The following SMCHD1 variants were observed in gnomAD, a reference collection of about 807,000 sequenced individuals.
SMCHD1 encodes the protein structural maintenance of chromosomes flexible hinge domain containing 1.
In SMCHD1, 78 loss-of-function variants were observed where a neutral mutation model predicts 254.7. That is an observed-to-expected ratio of 0.31 (90% CI 0.26 to 0.37). The LOEUF (loss-of-function observed/expected upper bound fraction) is 0.37. Ranked by LOEUF, SMCHD1 falls within the 10% of genes least tolerant of loss-of-function variation. SMCHD1 has a pLI of 1.00. For synonymous variants in SMCHD1, 766 were observed against 794.9 expected (o/e 0.96, Z 0.61); for missense variants, 1,840 against 2,408.1 (o/e 0.76, Z 4.94).
chr18:2,770,127 A>G lies in SMCHD1; in HGVS notation c.4966+19A>G, dbSNP rs778801964. The G allele has an allele frequency of 2.6e-5, 41 of 1,594,290 alleles. No homozygotes were observed. Among genetic ancestry groups the G allele is most frequent in the Non-Finnish European group, 3.5e-5 (41 of 1,175,142 alleles). On this transcript the variant is annotated intron_variant, in intron 39 of 47. Transcript: ENST00000320876. ...ATGAAATGTAAGTCATTTTGTATTCAAGACAAAAATTATGCTTTGGGGAAT... is the reference window on the plus strand; with the variant it reads ...ATGAAATGTAAGTCATTTTGTATTCGAGACAAAAATTATGCTTTGGGGAAT...
rs57748558 is a variant in SMCHD1, at chr18:2,702,946, G to A, written c.1648-746G>A. Among the ~76,000 whole-genome samples, 1,334 of 152,260 alleles carry A rather than the reference G, an allele frequency of 8.8e-3. 21 individuals carry two copies. Among genetic ancestry groups the A allele is most frequent in the African/African-American group, 0.03 (1,264 of 41,556 alleles). On this transcript the variant is annotated intron_variant, in intron 12 of 47. Coordinates refer to ENST00000320876, the MANE Select transcript of SMCHD1 (RefSeq NM_015295.3). ...TACCTCCTCATTGCCCTAGAGGCAGGCATCAAACAAGTGTATAGCACCTTA... is the reference window on the plus strand; with the variant it reads ...TACCTCCTCATTGCCCTAGAGGCAGACATCAAACAAGTGTATAGCACCTTA...
chr18:2,785,233 A>T (rs955703755), intron 45 of SMCHD1, among the ~76,000 whole-genome samples: 1 of 152,186 alleles, frequency 6.6e-6, no homozygotes, highest in Non-Finnish European at 1.5e-5. Flanking sequence ...ATTTGCTCTT[A>T]ATTTATATAA....
rs372815104 is a variant in SMCHD1 at position 2,724,952 on chromosome 18, G to A, written c.2657G>A (p.Arg886Gln). The part of the protein sequence containing the change: ...EITKGPNCVI[R>Q]GVTAKGPVNS... ...ACCAAAGGACCAAATTGTGTAATTC[G>A]AGGTGTTACAGCCAAGGGCCCTGTA... The change falls in exon 21 of 48, where the codon CGA becomes CAA. Residue 886 changes from arginine (R) to glutamine (Q), a missense_variant. By Grantham distance (43) the Arg-to-Gln change is conservative. Transcript: ENST00000320876. 4.6e-5 allele frequency: 74 copies of A among 1,593,518 alleles called. 1 individual carries two copies. The Admixed American group carries it at 5.8e-4, about 13-fold the overall frequency.
In SMCHD1 at chr18:2,718,332, G is replaced by A; in HGVS notation, c.2356G>A (p.Gly786Arg). ...TTATCCAGAAAATATTCAGAAGTTG[G>A]GGAATTATACCTTGAAATTACAAGT... ...FKKMENIQKL[G>R]NYTLKLQVVL... is the part of the protein sequence containing the mutation. The change falls in exon 19 of 48, where the codon GGG (glycine) becomes AGG (arginine). Residue 786 changes from glycine (G) to arginine (R), a missense_variant. Coordinates refer to ENST00000320876, the MANE Select transcript of SMCHD1 (RefSeq NM_015295.3). The surrounding 1 kb of genome is among the most constrained non-coding windows in gnomAD (Gnocchi z 4.6). 2 of 1,610,682 alleles carry A rather than the reference G, an allele frequency of 1.2e-6. No individual in the cohort carries two copies. Among genetic ancestry groups the A allele is most frequent in the Non-Finnish European group, 1.7e-6 (2 of 1,177,792 alleles).
In SMCHD1 at chr18:2,709,831, T is replaced by C. The variant is rs75176879; in HGVS notation, c.2260+1911T>C. ...TATCAGATAAATGATTTACAGATAT[T>C]TTCTTCCACTCTGTGGGTTGCTTTT... On this transcript the variant is annotated intron_variant, in intron 17 of 47. Coordinates refer to ENST00000320876, the MANE Select transcript of SMCHD1 (RefSeq NM_015295.3). 4.8e-3 allele frequency among the ~76,000 whole-genome samples: 730 copies of C among 152,316 alleles called. 7 individuals are homozygous for C. The highest frequency in any genetic ancestry group is 0.016 in the African/African-American group (670 of 41,568).
At chr18:2,772,398 A>G in intron 41 of SMCHD1, 26 bp downstream of exon 41, 2 of 1,512,856 alleles carry the variant, frequency 1.3e-6, no homozygotes, top group Non-Finnish European at 1.8e-6. Context: ...GCCTTTTGAA[A>G]GGCAGTACAT....
chr18:2,772,187 A>G, intron 40 of SMCHD1, 63 bp from the exon 41 acceptor site: 1 of 1,359,958 alleles, frequency 7.4e-7, no homozygotes, highest in Non-Finnish European at 9.5e-7. Flanking sequence ...CTCCACTGTC[A>G]TTATGGGCTG....
At chr18:2,755,830 G>A (rs2075668483) in intron 34 of SMCHD1, among the ~76,000 whole-genome samples, 1 of 152,102 alleles carries the variant, frequency 6.6e-6, no homozygotes, top group South Asian at 2.1e-4. Context: ...GCCTCCCAAA[G>A]TGCTGGGATT....
intron 3 of SMCHD1, among the ~76,000 whole-genome samples, chr18:2,667,534 C>CT (rs1459810279): frequency 1.3e-5 from 2 of 152,180 alleles, no homozygotes; most frequent in Non-Finnish European, 2.9e-5. Flanking sequence ...TGAATCCTCT[C>CT]TTTCAGGACT....
At chr18:2,660,729 C>T (rs923364034) in intron 1 of SMCHD1, among the ~76,000 whole-genome samples, 9 of 152,022 alleles carry the variant, frequency 5.9e-5, no homozygotes, top group South Asian at 2.1e-4. Context: ...CTACCCACCT[C>T]GGCCTCCAAA....
At position 2,673,288 on chromosome 18, in the gene SMCHD1, T is replaced by C. The variant is rs1017630458; in HGVS notation, c.432T>C (p.Ala144=). 10 of 1,595,500 alleles carry C rather than the reference T, an allele frequency of 6.3e-6. No individual in the cohort carries two copies. Among genetic ancestry groups the C allele is most frequent in the South Asian group, 3.4e-5 (3 of 89,002 alleles). ...ASEGQNPLPF[A]LAELIDNSLS... is the part of the protein sequence containing the mutation. ...TTTCTTGATCTCTTGCAGCATTTGC[T>C]CTTGCGGAATTAATTGACAATTCAT... is the stretch of plus-strand genomic sequence containing the variant. Residue 144 remains alanine, a synonymous_variant, in exon 4 of 48, where the codon GCT becomes GCC. Transcript: ENST00000320876.
At chr18:2,795,401 G>A (rs1224623028) in intron 45 of SMCHD1, among the ~76,000 whole-genome samples, 2 of 152,136 alleles carry the variant, frequency 1.3e-5, no homozygotes, top group Admixed American at 6.5e-5. Context: ...CTTTTTGGAA[G>A]CGATGATTTT....
In SMCHD1 at chr18:2,743,834, T is replaced by G. The variant is rs773207735; in HGVS notation, c.3707T>G (p.Phe1236Cys). The change falls in exon 29 of 48, where the codon TTT becomes TGT. Residue 1236 changes from phenylalanine to cysteine, a missense_variant. By Grantham distance (205) the Phe-to-Cys change is radical. This residue lies in a region of SMCHD1 where 881 missense variants were observed against 1,009.5 expected (regional missense o/e 0.87). Transcript: ENST00000320876. ...CCTCCTGGAAATAAGGATCTTTGTTTTACTTGGCGTGAGTTTTCTGACTTT... is the reference window on the plus strand; with the variant it reads ...CCTCCTGGAAATAAGGATCTTTGTTGTACTTGGCGTGAGTTTTCTGACTTT... Reference protein sequence around the residue: ...PGPPGNKDLCFTWREFSDFIR... With the variant: ...PGPPGNKDLCCTWREFSDFIR... The G allele has an allele frequency of 1.2e-6, 2 of 1,613,354 alleles. No homozygotes were observed. The highest frequency in any genetic ancestry group is 2.2e-5 in the South Asian group (2 of 90,998).
In SMCHD1 at chr18:2,726,040, A is replaced by G. The variant is rs374704009; in HGVS notation, c.2701-412A>G. ...ATTTATTTTTCTGTTCCATGAACCA[A>G]TATGGAGTACCACATTGCATTTCAA... On this transcript the variant is annotated intron_variant, in intron 21 of 47. Transcript: ENST00000320876. Among the ~76,000 whole-genome samples the G allele has an allele frequency of 2.8e-4, 43 of 151,990 alleles. No individual in the cohort carries two copies. In the East Asian group the frequency reaches 7.5e-3, roughly 27 times the overall value.
intron 34 of SMCHD1, 127 bp downstream of exon 34, chr18:2,752,679 A>G: frequency 1.6e-6 from 1 of 630,392 alleles, no homozygotes; most frequent in Non-Finnish European, 2.7e-6. Context: ...AGTGTCTCTA[A>G]ATTTTTCTCA....
chr18:2,679,779 G>C lies in SMCHD1; in HGVS notation c.638+5634G>C, dbSNP rs551785321. ...AATAAAGTTTTTCTTCAAATTTGGG[G>C]AGTTTTTGGCCATTTTTTTCTCTAA... On this transcript the variant is annotated intron_variant, in intron 5 of 47. Transcript: ENST00000320876. Among the ~76,000 whole-genome samples, 5 of 152,144 alleles carry C rather than the reference G, an allele frequency of 3.3e-5. No individual in the cohort carries two copies. The South Asian group carries it at 1.0e-3, about 32-fold the overall frequency.
At chr18:2,685,571 C>A (rs1274574343) in intron 5 of SMCHD1, among the ~76,000 whole-genome samples, 2 of 152,054 alleles carry the variant, frequency 1.3e-5, no homozygotes, top group African/African-American at 4.8e-5. Context: ...TTACCCTGTA[C>A]CCCCAAATTG....
intron 30 of SMCHD1, among the ~76,000 whole-genome samples, chr18:2,748,384 A>AAATTTTTTTTTTTTTTTTTTTTTTTTT (rs2075504984): frequency 2.9e-5 from 2 of 68,288 alleles, no homozygotes; most frequent in African/African-American, 7.0e-5. Flanking sequence ...GTGTGTGTGT[A>AAATTTTTTTTTTTTTTTTTTTTTTTTT]TATAAATTTT....
intron 3 of SMCHD1, among the ~76,000 whole-genome samples, chr18:2,672,093 G>T (rs1037803942): frequency 6.6e-6 from 1 of 151,906 alleles, no homozygotes; most frequent in Admixed American, 6.6e-5. Flanking sequence ...TCATTTTCTG[G>T]AGTTATTACC....
Sources: allele counts gnomAD v4.1 joint callset (sites outside exome capture counted in the v4.1 genomes callset), GRCh38; gene constraint gnomAD v4.1.1; regional missense constraint gnomAD v4.1.1; non-coding constraint Gnocchi (gnomAD v3.1); transcripts MANE v1.5; gene names NCBI Gene and HGNC (gene_info 2026-07-23, HGNC 2026-07-21).